AFF3: variants seen among roughly 807,000 people sequenced by gnomAD.
AFF3 encodes AF4/FMR2 family member 3.
In AFF3, 32 loss-of-function variants were observed where a neutral mutation model predicts 129.7. The observed-to-expected ratio is 0.25, with a 90% confidence interval of 0.19 to 0.33. AFF3 has a LOEUF of 0.33. Ranked by LOEUF, AFF3 falls within the 10% of genes least tolerant of loss-of-function variation. AFF3 has a pLI of 1.00. For synonymous variants in AFF3, 644 were observed against 635.4 expected, an observed-to-expected ratio of 1.01 and a Z score of -0.20; for missense variants, 1,373 against 1,592.0, an observed-to-expected ratio of 0.86 and a Z score of 2.34.
chr2:99,898,962 T>A (rs1215592664), intron 7 of AFF3, among the ~76,000 whole-genome samples: 1 of 152,150 alleles, frequency 6.6e-6, no homozygotes, highest in Non-Finnish European at 1.5e-5. Flanking sequence ...CACTCCTTGC[T>A]CCCACTCTTC....
At chr2:99,660,478 C>A (rs1686131669) in intron 12 of AFF3, among the ~76,000 whole-genome samples, 1 of 152,198 alleles carries the variant, frequency 6.6e-6, no homozygotes, top group African/African-American at 2.4e-5. Context: ...CAAGAGAAAG[C>A]TGAACCAGTT....
chr2:99,783,319 C>T (rs1684540508), intron 8 of AFF3, among the ~76,000 whole-genome samples: 1 of 152,230 alleles, frequency 6.6e-6, no homozygotes, highest in Admixed American at 6.5e-5. Context: ...ACCACCTCCT[C>T]TTCTAGAGCC....
At chr2:99,779,313 G>C (rs760307645) in intron 8 of AFF3, among the ~76,000 whole-genome samples, 5 of 152,124 alleles carry the variant, frequency 3.3e-5, no homozygotes, top group Non-Finnish European at 5.9e-5. Flanking sequence ...TTTATTTATA[G>C]TTAGAGTATG....
At chr2:99,554,639 G>A (rs374910033) in intron 23 of AFF3, 44 bp downstream of exon 23, 168 of 1,613,258 alleles carry the variant, frequency 1.0e-4, no homozygotes, top group Non-Finnish European at 1.4e-4. Flanking sequence ...CCAGCACCAT[G>A]CATTGTCTGG....
At chr2:100,031,711 G>GA (rs1353588334) in intron 4 of AFF3, among the ~76,000 whole-genome samples, 2 of 152,234 alleles carry the variant, frequency 1.3e-5, no homozygotes, top group Admixed American at 6.5e-5. Context: ...GGAGGCAATT[G>GA]AAAGAGTTTC....
At chr2:99,919,923 G>A (rs1185968389) in intron 7 of AFF3, among the ~76,000 whole-genome samples, 2 of 152,020 alleles carry the variant, frequency 1.3e-5, no homozygotes, top group African/African-American at 4.8e-5. Flanking sequence ...TAAAGTATGA[G>A]GGAATGTTGT....
chr2:99,708,368 G>C (rs935658396), intron 11 of AFF3, among the ~76,000 whole-genome samples: 2 of 152,102 alleles, frequency 1.3e-5, no homozygotes, highest in Admixed American at 1.3e-4. Flanking sequence ...TTTTGACCCA[G>C]TAAGTTGTAC....
At chr2:99,673,550 T>C (rs796359685) in intron 11 of AFF3, among the ~76,000 whole-genome samples, 24 of 152,336 alleles carry the variant, frequency 1.6e-4, no homozygotes, top group African/African-American at 5.3e-4. Flanking sequence ...AGAAGTGCAC[T>C]GTATAAAAGC....
chr2:99,680,156 T>C (rs1005394452), intron 11 of AFF3, among the ~76,000 whole-genome samples: 5 of 152,188 alleles, frequency 3.3e-5, no homozygotes, highest in African/African-American at 1.2e-4. Context: ...TCTCCAAATA[T>C]ATTAGACTTT....
chr2:99,940,832 T>C (rs1371263270), intron 7 of AFF3, among the ~76,000 whole-genome samples: 1 of 152,220 alleles, frequency 6.6e-6, no homozygotes, highest in African/African-American at 2.4e-5. Context: ...GGCATCTGGA[T>C]TGGGACCCCT....
At chr2:100,033,733 A>G (rs932597843) in intron 4 of AFF3, among the ~76,000 whole-genome samples, 3 of 152,212 alleles carry the variant, frequency 2.0e-5, no homozygotes, top group African/African-American at 7.2e-5. Context: ...AATAAAAGCC[A>G]TATGGGCTAA....
At position 99,961,818 on chromosome 2, in the gene AFF3, G is replaced by A. The variant is rs925318602; in HGVS notation, c.873+44814C>T. ...ATATACAGCAACAGAAGGCAGTCCC[G>A]GTAAGTGCATTCCTTCTGCAAATTG... is the stretch of plus-strand genomic sequence containing the variant. On this transcript the variant is annotated intron_variant, in intron 7 of 24. Transcript: ENST00000672756. Among the ~76,000 whole-genome samples the A allele has an allele frequency of 9.8e-5, 15 of 152,288 alleles. No homozygotes were observed. In the East Asian group the frequency reaches 1.4e-3, roughly 14 times the overall value.
Position 99,578,328 on chromosome 2 carries a change from T to C in AFF3, c.2917A>G (p.Met973Val), listed in dbSNP as rs572833239. Residue 973 changes from methionine (M) to valine (V), a missense_variant and splice_region_variant, in exon 18 of 25, where the codon ATG becomes GTG. Met to Val is a conservative substitution (Grantham distance 21). This residue lies in a region of AFF3 where 65 missense variants were observed against 102.1 expected (regional missense o/e 0.64). Transcript: ENST00000672756. ...CKRQKLVFDD[M>V]PRSADYFMQE... Reference sequence around the variant, plus strand: ...ACATTTAAAAGCGTCTGAACTTACATATCATCGAAGACAAGTTTCTGCCTC... The same window carrying C: ...ACATTTAAAAGCGTCTGAACTTACACATCATCGAAGACAAGTTTCTGCCTC... 5.6e-6 allele frequency: 9 copies of C among 1,599,242 alleles called. No homozygotes were observed. The highest frequency in any genetic ancestry group is 1.1e-5 in the South Asian group (1 of 88,050).
intron 4 of AFF3, among the ~76,000 whole-genome samples, chr2:100,083,085 C>T (rs560689497): frequency 5.9e-5 from 9 of 151,494 alleles, no homozygotes; most frequent in African/African-American, 9.7e-5. Context: ...AGCAAAACTC[C>T]GTCTCAAAAA....
intron 13 of AFF3, among the ~76,000 whole-genome samples, chr2:99,616,154 G>C (rs1681404936): frequency 6.6e-6 from 1 of 152,154 alleles, no homozygotes; most frequent in Admixed American, 6.5e-5. Flanking sequence ...CAAGCAATGG[G>C]AGCGTTTTAA....
chr2:100,073,796 T>C (rs2105316513), intron 4 of AFF3, among the ~76,000 whole-genome samples: 1 of 152,302 alleles, frequency 6.6e-6, no homozygotes, highest in East Asian at 1.9e-4. Flanking sequence ...TGTTTATTCT[T>C]TGCCTGTGAA....
intron 8 of AFF3, among the ~76,000 whole-genome samples, chr2:99,822,158 A>G (rs773521848): frequency 7.2e-5 from 11 of 152,192 alleles, no homozygotes; most frequent in Non-Finnish European, 1.3e-4. Flanking sequence ...TCTGTAAGAC[A>G]AGATGACGTC....
chr2:100,084,357 T>C (rs1313241113), intron 4 of AFF3, among the ~76,000 whole-genome samples: 1 of 152,238 alleles, frequency 6.6e-6, no homozygotes, highest in East Asian at 1.9e-4. Flanking sequence ...GAGGTACGTA[T>C]TATTCTTTCT....
chr2:99,778,181 C>T (rs1253843253), intron 8 of AFF3, among the ~76,000 whole-genome samples: 1 of 152,088 alleles, frequency 6.6e-6, no homozygotes, highest in African/African-American at 2.4e-5. Flanking sequence ...CTGCCTGGAG[C>T]TCTGTCTGCC....
Sources: gnomAD v4.1 joint callset for allele counts (sites outside exome capture counted in the v4.1 genomes callset) on GRCh38, gnomAD v4.1.1 for gene constraint, gnomAD v4.1.1 regional missense constraint, MANE v1.5 for transcripts, NCBI Gene and HGNC (gene_info 2026-07-23, HGNC 2026-07-21) for gene names.